Variants in MACF1 observed in about 807,000 individuals in gnomAD.
MACF1 encodes the protein microtubule actin crosslinking factor 1.
Under a neutral mutation model 854.8 loss-of-function variants are expected in MACF1, and 193 were observed. The ratio of observed to expected loss-of-function variants is 0.23; its 90% confidence interval spans 0.20 to 0.25. The LOEUF (loss-of-function observed/expected upper bound fraction) is 0.25, where lower values mean the gene tolerates loss of function less well. MACF1 is among the 10% of genes least tolerant of loss of function. MACF1 has a pLI of 1.00. For synonymous variants in MACF1, 3,185 were observed against 3,226.7 expected (o/e 0.99, Z 0.44); for missense variants, 7,722 against 8,929.1 (o/e 0.86, Z 5.45).
chr1:39,302,984 A>G lies in MACF1; in HGVS notation c.2695A>G (p.Lys899Glu), dbSNP rs145102581. 6.2e-7 allele frequency: 1 copy of G among 1,614,086 alleles called. No individual in the cohort carries two copies. Among genetic ancestry groups the G allele is most frequent in the Non-Finnish European group, 8.5e-7 (1 of 1,180,028 alleles). The change falls in exon 23 of 101, where the codon AAA becomes GAA. Residue 899 changes from lysine (K) to glutamate (E), a missense_variant. Physicochemically the swap from Lys to Glu is moderately conservative, Grantham distance 56. Around this residue, in one of 15 missense-constraint regions of MACF1, gnomAD observed 1,137 missense variants for 1,263.0 expected, o/e 0.90. Coordinates refer to ENST00000564288, the MANE Select transcript of MACF1 (RefSeq NM_001394062.1). The part of the protein sequence containing the change: ...LEDNSQRTKW[K>E]VISPTGNEAM... ...AGATAATTCTCAGCGGACCAAATGG[A>G]AAGTGATCAGCCCCACAGGGAACGA...
chr1:39,361,917 T>C (rs1172101236), intron 49 of MACF1, among the ~76,000 whole-genome samples: 1 of 152,226 alleles, frequency 6.6e-6, no homozygotes, highest in Non-Finnish European at 1.5e-5. Flanking sequence ...GCCACTCAGT[T>C]CATCATAGTC....
intron 2 of MACF1, among the ~76,000 whole-genome samples, chr1:39,129,480 A>G (rs921732137): frequency 6.6e-6 from 1 of 152,220 alleles, no homozygotes; most frequent in Non-Finnish European, 1.5e-5. Flanking sequence ...TTTCTTTGCT[A>G]TAAAACTGTA....
chr1:39,360,332 C>T (rs1648077294), intron 47 of MACF1, among the ~76,000 whole-genome samples: 2 of 151,622 alleles, frequency 1.3e-5, no homozygotes, highest in Non-Finnish European at 2.9e-5. Context: ...AATTGTGATG[C>T]ATCTTCCTCT....
intron 56 of MACF1, among the ~76,000 whole-genome samples, chr1:39,384,673 T>G (rs1029937809): frequency 6.6e-6 from 1 of 152,148 alleles, no homozygotes; most frequent in African/African-American, 2.4e-5. Context: ...AAAATACAGA[T>G]TGTATATGCT....
intron 6 of MACF1, among the ~76,000 whole-genome samples, chr1:39,262,845 A>G (rs1483252633): frequency 6.6e-6 from 1 of 152,096 alleles, no homozygotes; most frequent in Non-Finnish European, 1.5e-5. Context: ...TTAACTATGG[A>G]TTCCTTTTCT....
intron 36 of MACF1, among the ~76,000 whole-genome samples, chr1:39,330,685 T>C (rs1332332130): frequency 6.6e-6 from 1 of 152,218 alleles, no homozygotes; most frequent in Non-Finnish European, 1.5e-5. Context: ...TTCTGCAGTT[T>C]AGAAAAACTC....
chr1:39,230,950 C>T (rs1427960457), intron 1 of MACF1, among the ~76,000 whole-genome samples: 1 of 152,150 alleles, frequency 6.6e-6, no homozygotes, highest in African/African-American at 2.4e-5. Flanking sequence ...GAGACTTTGC[C>T]ATGGTATGAT....
rs1645916733 is a variant in MACF1, at chr1:39,296,780, GAAAGAAA to G, written c.2356-839_2356-833del. 4.2e-5 allele frequency among the ~76,000 whole-genome samples: 3 copies of G among 71,706 alleles called. 1 individual carries two copies. In the Admixed American group the frequency reaches 4.7e-4, roughly 11 times the overall value. 47.0% of individuals were successfully genotyped at this position (71,706 alleles called of 152,430 possible). ...GAAGGAAGGAAGGAAGGAAAAGAAA[GAAAGAAA>G]GAAAGGAAGGAAGGAAAAGAAAGAA... On this transcript the variant is annotated intron_variant, in intron 20 of 100. Transcript: ENST00000564288.
chr1:39,360,013 ATATATATATATATATATATATAT>A lies in MACF1; in HGVS notation c.12244+750_12245-757del, dbSNP rs1647996366. Among the ~76,000 whole-genome samples the A allele has an allele frequency of 2.4e-4, 5 of 20,954 alleles. No individual in the cohort carries two copies. The South Asian group carries it at 6.5e-3, about 27-fold the overall frequency. The allele number at this position is 20,954 out of a possible 152,430, so 13.7% of individuals were successfully genotyped here. ...AAAAAAAAAAAAAAAAAAAAAAAAA[ATATATATATATATATATATATAT>A]ATATATATATATATATACACACACA... On this transcript the variant is annotated intron_variant, in intron 47 of 100. Coordinates refer to ENST00000564288, the MANE Select transcript of MACF1 (RefSeq NM_001394062.1).
Position 39,460,881 on chromosome 1 carries a change from T to A in MACF1, c.21523+87T>A, listed in dbSNP as rs1256267831. The A allele has an allele frequency of 6.7e-7, 1 of 1,495,598 alleles. No homozygotes were observed. Among genetic ancestry groups the A allele is most frequent in the African/African-American group, 1.4e-5 (1 of 72,248 alleles). The allele number at this position is 1,495,598 out of a possible 1,614,324, so 92.6% of individuals were successfully genotyped here. On this transcript the variant is annotated intron_variant, in intron 92 of 100. Coordinates refer to ENST00000564288, the MANE Select transcript of MACF1 (RefSeq NM_001394062.1). This position sits in a 1 kb window ranked among gnomAD's most constrained non-coding sequence, Gnocchi z 4.1. Reference sequence around the variant, plus strand: ...TGTGATATTCTAGCTAAACAGTCTTTCTGAAGCTGGCCAGGAGCTTGGCTC... The same window carrying A: ...TGTGATATTCTAGCTAAACAGTCTTACTGAAGCTGGCCAGGAGCTTGGCTC...
intron 97 of MACF1, among the ~76,000 whole-genome samples, chr1:39,470,823 GATCAGACTAAATAAA>G (rs1171722559): frequency 6.6e-6 from 1 of 152,050 alleles, no homozygotes; most frequent in Non-Finnish European, 1.5e-5. Flanking sequence ...TGTCATGTAT[GATCAGACTAAATAAA>G]AGAGATATTG....
At chr1:39,260,959 A>G (rs965065125) in intron 6 of MACF1, among the ~76,000 whole-genome samples, 3 of 152,152 alleles carry the variant, frequency 2.0e-5, no homozygotes, top group African/African-American at 4.8e-5. Flanking sequence ...CCAAGTGACA[A>G]TATGAATGTT....
rs1029638756 is a variant in MACF1 at position 39,310,300 on chromosome 1, A to G, written c.2972A>G (p.His991Arg). The change falls in exon 25 of 101, where the codon CAC becomes CGC. Residue 991 changes from histidine to arginine, a missense_variant. Physicochemically the swap from His to Arg is conservative, Grantham distance 29. Coordinates refer to ENST00000564288, the MANE Select transcript of MACF1 (RefSeq NM_001394062.1). ...CAGATTATGAAGAACCTTCAGGCCC[A>G]CTATGAAGACTTTCTGCAGGATAGT... Reference protein sequence around the residue: ...CHQIMKNLQAHYEDFLQDSRD... With the variant: ...CHQIMKNLQARYEDFLQDSRD... The G allele has an allele frequency of 3.1e-6, 5 of 1,614,112 alleles. No homozygotes were observed. Among genetic ancestry groups the G allele is most frequent in the Non-Finnish European group, 4.2e-6 (5 of 1,179,986 alleles).
chr1:39,240,460 G>A (rs1348060995), intron 2 of MACF1, among the ~76,000 whole-genome samples: 1 of 152,120 alleles, frequency 6.6e-6, no homozygotes, highest in African/African-American at 2.4e-5. Flanking sequence ...TCTATTCCCT[G>A]TGCTTAAGTG....
At chr1:39,215,492 G>C (rs541164573) in intron 1 of MACF1, 1 of 149,556 alleles carries the variant, frequency 6.7e-6, no homozygotes, top group South Asian at 2.1e-4. Flanking sequence ...AATAGCCCTT[G>C]CTCTCATTGA....
chr1:39,226,218 C>A (rs1469492807), intron 1 of MACF1, among the ~76,000 whole-genome samples: 1 of 152,116 alleles, frequency 6.6e-6, no homozygotes, highest in Non-Finnish European at 1.5e-5. Context: ...AAACGTCTTT[C>A]TCCTGAGCTT....
rs762326794 is a variant in MACF1, at chr1:39,292,036, G to A, written c.1912G>A (p.Glu638Lys). 1.2e-6 allele frequency: 2 copies of A among 1,613,790 alleles called. No homozygotes were observed. The highest frequency in any genetic ancestry group is 2.2e-5 in the East Asian group (1 of 44,872). The change falls in exon 16 of 101, where the codon GAG (glutamate) becomes AAG (lysine). Residue 638 changes from glutamate to lysine, a missense_variant and splice_region_variant. By Grantham distance (56) the Glu-to-Lys change is moderately conservative. Transcript: ENST00000564288. ...AAGTGTCAAGGAGGCCAGGTTGTAT[G>A]AGGTGCGTAGCCTTCAGAATCCACA... ...GSSVKEARLY[E>K]GKMSQNFHTS...
intron 2 of MACF1, among the ~76,000 whole-genome samples, chr1:39,101,375 T>TAG (rs1491372888): frequency 3.1e-5 from 1 of 31,904 alleles, no homozygotes; most frequent in East Asian, 9.1e-4. Flanking sequence ...AAAAAATATG[T>TAG]ATATATATAT....
intron 85 of MACF1, 107 bp from the exon 86 acceptor site, chr1:39,452,049 A>C: frequency 3.0e-6 from 3 of 1,011,016 alleles, no homozygotes; most frequent in Non-Finnish European, 4.4e-6. Context: ...CCCTCTATGC[A>C]TAAAAGACAC....
Sources: gnomAD v4.1 joint callset for allele counts (sites outside exome capture counted in the v4.1 genomes callset) on GRCh38, gnomAD v4.1.1 for gene constraint, gnomAD v4.1.1 regional missense constraint, Gnocchi (gnomAD v3.1) non-coding constraint, MANE v1.5 for transcripts, NCBI Gene and HGNC (gene_info 2026-07-23, HGNC 2026-07-21) for gene names.